The following HCRTR2 variants were observed in gnomAD, a reference collection of about 807,000 sequenced individuals.
HCRTR2 encodes the protein hypocretin receptor 2.
Under a neutral mutation model 49.0 loss-of-function variants are expected in HCRTR2, and 22 were observed. The ratio of observed to expected loss-of-function variants is 0.45; its 90% CI spans 0.32 to 0.64. The LOEUF is 0.64. Ranked by LOEUF, HCRTR2 falls within the 30% of genes least tolerant of loss-of-function variation. The pLI is 0.04. For synonymous variants in HCRTR2, 236 were observed against 205.3 expected, an observed-to-expected ratio of 1.15 and a Z score of -1.28; for missense variants, 491 against 559.4, an observed-to-expected ratio of 0.88 and a Z score of 1.23.
At chr6:55,146,188 A>G (rs1318209335) in intron 1 of HCRTR2, among the ~76,000 whole-genome samples, 2 of 152,188 alleles carry the variant, frequency 1.3e-5, no homozygotes, top group African/African-American at 4.8e-5. Context: ...AGTGGAGAAC[A>G]ATTATAAGAT....
intron 1 of HCRTR2, among the ~76,000 whole-genome samples, chr6:55,241,251 C>G (rs1467686687): frequency 6.6e-6 from 1 of 151,408 alleles, no homozygotes; most frequent in African/African-American, 2.4e-5. Flanking sequence ...CGATAGTTTA[C>G]TGACATTTTA....
At chr6:55,277,051 A>G (rs1767089589) in intron 4 of HCRTR2, among the ~76,000 whole-genome samples, 1 of 152,174 alleles carries the variant, frequency 6.6e-6, no homozygotes, top group Admixed American at 6.5e-5. Flanking sequence ...TCCTAATAAG[A>G]TAATATGGCT....
intron 1 of HCRTR2, among the ~76,000 whole-genome samples, chr6:55,223,166 C>G (rs1319892581): frequency 6.6e-6 from 1 of 152,034 alleles, no homozygotes; most frequent in African/African-American, 2.4e-5. Context: ...GCTAGACTGC[C>G]AGTTAATCTC....
intron 1 of HCRTR2, among the ~76,000 whole-genome samples, chr6:55,207,604 C>T (rs1765623385): frequency 6.6e-6 from 1 of 152,044 alleles, no homozygotes. Flanking sequence ...AAAATTATAG[C>T]TTACAATAGG....
chr6:55,235,641 T>C (rs1175625377), intron 1 of HCRTR2, among the ~76,000 whole-genome samples: 1 of 152,064 alleles, frequency 6.6e-6, no homozygotes, highest in Admixed American at 6.6e-5. Flanking sequence ...TAACCTGGAA[T>C]TTATGTTTGT....
At chr6:55,284,195 T>C (rs1767243419), downstream of HCRTR2, among the ~76,000 whole-genome samples, 1 of 151,822 alleles carries the variant, frequency 6.6e-6, no homozygotes, top group Admixed American at 6.6e-5. Flanking sequence ...ATATACCTAC[T>C]TATAATTTAA....
At chr6:55,272,847 C>CTTTTT (rs993989385) in intron 4 of HCRTR2, among the ~76,000 whole-genome samples, 3 of 111,310 alleles carry the variant, frequency 2.7e-5, no homozygotes, top group Admixed American at 9.3e-5. Flanking sequence ...GAGGGAAAAC[C>CTTTTT]TTTTTTTTTT....
intron 1 of HCRTR2, among the ~76,000 whole-genome samples, chr6:55,125,416 T>C (rs1764259117): frequency 1.3e-5 from 2 of 152,226 alleles, no homozygotes; most frequent in African/African-American, 4.8e-5. Context: ...AAAATGCTTT[T>C]CTTTAAGGAT....
intron 1 of HCRTR2, among the ~76,000 whole-genome samples, chr6:55,156,282 C>T (rs1033325171): frequency 6.6e-6 from 1 of 151,748 alleles, no homozygotes; most frequent in South Asian, 2.1e-4. Context: ...CCAACTGCTG[C>T]TTTTACTCCT....
At chr6:55,203,723 A>G (rs745718007) in intron 1 of HCRTR2, among the ~76,000 whole-genome samples, 1 of 152,138 alleles carries the variant, frequency 6.6e-6, no homozygotes, top group Non-Finnish European at 1.5e-5. Flanking sequence ...CATTTCCAAT[A>G]TAAGTAACAG....
intron 1 of HCRTR2, among the ~76,000 whole-genome samples, chr6:55,161,511 G>A (rs1282695142): frequency 2.6e-5 from 4 of 151,552 alleles, no homozygotes; most frequent in Admixed American, 6.6e-5. Flanking sequence ...AGAGAGACAC[G>A]AAAAACCCTT....
rs1581876171 is a variant in HCRTR2, at chr6:55,280,386, A to T, written c.1047A>T (p.Ser349=). ...RETVYAWFTF[S]HWLVYANSAA... ...CTGTGTATGCCTGGTTTACCTTTTCACACTGGCTTGTATATGCCAATAGTG... is the reference window on the plus strand; with the variant it reads ...CTGTGTATGCCTGGTTTACCTTTTCTCACTGGCTTGTATATGCCAATAGTG... The change falls in exon 6 of 7, where the codon TCA becomes TCT. Residue 349 remains serine (S), a synonymous_variant. Coordinates refer to ENST00000370862, the MANE Select transcript of HCRTR2 (RefSeq NM_001384272.1). The T allele has an allele frequency of 6.2e-7, 1 of 1,613,096 alleles. No individual in the cohort carries two copies. Among genetic ancestry groups the T allele is most frequent in the Non-Finnish European group, 8.5e-7 (1 of 1,179,198 alleles).
At position 55,123,550 on chromosome 6, in the gene HCRTR2, C is replaced by T. The variant is rs1404735252; in HGVS notation, c.-378+17005C>T. ...TGCCAGTATTTTATTGAGGATTTTC[C>T]CATCCATGTTCATGAGGGATATTGG... On this transcript the variant is annotated intron_variant, in intron 1 of 7. Coordinates refer to the HCRTR2 transcript ENST00000615358. Among the ~76,000 whole-genome samples, 7 of 152,034 alleles carry T rather than the reference C, an allele frequency of 4.6e-5. No homozygotes were observed. The East Asian group carries it at 1.2e-3, about 25-fold the overall frequency.
At chr6:55,186,282 T>C (rs1765214952) in intron 1 of HCRTR2, among the ~76,000 whole-genome samples, 1 of 152,220 alleles carries the variant, frequency 6.6e-6, no homozygotes, top group Admixed American at 6.5e-5. Flanking sequence ...ATTTTTTAAA[T>C]TAAGCATTGC....
chr6:55,124,612 A>G (rs978645171), intron 1 of HCRTR2, among the ~76,000 whole-genome samples: 1 of 152,174 alleles, frequency 6.6e-6, no homozygotes, highest in Non-Finnish European at 1.5e-5. Context: ...AGAGTTCTGT[A>G]GATGTCTATT....
intron 1 of HCRTR2, among the ~76,000 whole-genome samples, chr6:55,221,537 GGC>G (rs1581838318): frequency 1.3e-5 from 2 of 152,238 alleles, no homozygotes; most frequent in East Asian, 1.9e-4. Flanking sequence ...ATCTGGGCCG[GGC>G]GTGGTGGCTC....
chr6:55,117,141 A>G (rs1207823351), intron 1 of HCRTR2, among the ~76,000 whole-genome samples: 2 of 151,826 alleles, frequency 1.3e-5, no homozygotes, highest in Non-Finnish European at 2.9e-5. Context: ...CTGGAATATG[A>G]TCCATATTGT....
chr6:55,153,990 A>G (rs769224494), intron 1 of HCRTR2, among the ~76,000 whole-genome samples: 2 of 151,862 alleles, frequency 1.3e-5, no homozygotes, highest in Non-Finnish European at 1.5e-5. Context: ...AGGTACTATT[A>G]TGAACAACTA....
rs148135391 is a variant in HCRTR2, at chr6:55,127,184, C to T, written c.-378+20639C>T. ...CGGCCACCAAGTTTTGTGCTTGAAACCCAGGGCCCTGGTGGGGTAGGCACC... is the reference window on the plus strand; with the variant it reads ...CGGCCACCAAGTTTTGTGCTTGAAATCCAGGGCCCTGGTGGGGTAGGCACC... On this transcript the variant is annotated intron_variant, in intron 1 of 7. Coordinates refer to the HCRTR2 transcript ENST00000615358. Among the ~76,000 whole-genome samples, 676 of 152,222 alleles carry T rather than the reference C, an allele frequency of 4.4e-3. 2 individuals carry two copies. Among genetic ancestry groups the T allele is most frequent in the African/African-American group, 0.015 (633 of 41,554 alleles).
Sources: allele counts gnomAD v4.1 joint callset (sites outside exome capture counted in the v4.1 genomes callset), GRCh38; gene constraint gnomAD v4.1.1; transcripts MANE v1.5; gene names NCBI Gene and HGNC (gene_info 2026-07-23, HGNC 2026-07-21).